CLCN7: variants seen among roughly 807,000 people sequenced by gnomAD.
CLCN7 encodes H(+)/Cl(-) exchange transporter 7.
Under a neutral mutation model 102.1 loss-of-function variants are expected in CLCN7, and 60 were observed. The ratio of observed to expected loss-of-function variants is 0.59; its 90% CI spans 0.48 to 0.73. The LOEUF is 0.73. CLCN7 is among the 30% of genes least tolerant of loss of function. The pLI is 0.00. For missense variants in CLCN7, 962 were observed against 1,125.7 expected (o/e 0.85, Z 2.08); for synonymous variants, 560 against 490.5 (o/e 1.14, Z -1.87).
intron 5 of CLCN7, 97 bp downstream of exon 5, chr16:1,460,719 C>A (rs1019849304): frequency 3.2e-6 from 5 of 1,585,584 alleles, no homozygotes; most frequent in East Asian, 2.2e-5. Flanking sequence ...GCCGCCTCCA[C>A]CTGCACTGGA....
rs756137596 is a variant in CLCN7 at position 1,465,254 on chromosome 16, ACCC to A, written c.213+10_213+12del. The A allele has an allele frequency of 1.2e-6, 2 of 1,611,486 alleles. No homozygotes were observed. The highest frequency in any genetic ancestry group is 2.7e-5 in the African/African-American group (2 of 74,830). ...CTAGCTCTGCGGGAGGACGGGGAACACCCCCAACTCACCGGGTCCAAAAGTTCA... is the reference window on the plus strand; with the variant it reads ...CTAGCTCTGCGGGAGGACGGGGAACACCAACTCACCGGGTCCAAAAGTTCA... On this transcript the variant is annotated intron_variant, in intron 2 of 24. Transcript: ENST00000382745.
chr16:1,452,002 C>A, intron 15 of CLCN7: 1 of 426,154 alleles, frequency 2.3e-6, no homozygotes, highest in Non-Finnish European at 4.5e-6. Context: ...TGGGCTGAGA[C>A]GCTGTCCATC....
chr16:1,457,896 G>A lies in CLCN7; in HGVS notation c.676-140C>T. The A allele has an allele frequency of 2.5e-6, 2 of 816,074 alleles. No individual in the cohort carries two copies. The highest frequency in any genetic ancestry group is 4.1e-6 in the Non-Finnish European group (2 of 486,610). 50.6% of individuals were successfully genotyped at this position (816,074 alleles called of 1,614,324 possible). ...CTCCGGGAGGGGGCCAGCACCCCCAGGCTGGGTCTCCCCATGGCCACAGTG... is the reference window on the plus strand; with the variant it reads ...CTCCGGGAGGGGGCCAGCACCCCCAAGCTGGGTCTCCCCATGGCCACAGTG... On this transcript the variant is annotated intron_variant, in intron 7 of 24. Coordinates refer to ENST00000382745, the MANE Select transcript of CLCN7 (RefSeq NM_001287.6). This position sits in a 1 kb window ranked among gnomAD's most constrained non-coding sequence, Gnocchi z 5.4.
At chr16:1,455,665 C>T in intron 11 of CLCN7, 66 bp downstream of exon 11, 1 of 1,543,144 alleles carries the variant, frequency 6.5e-7, no homozygotes. Flanking sequence ...CAAGGTGGAC[C>T]CCATGGTGGG....
Position 1,457,752 on chromosome 16 carries a change from A to C in CLCN7, c.680T>G (p.Leu227Trp). The change falls in exon 8 of 25, where the codon TTG becomes TGG. Residue 227 changes from leucine to tryptophan, a missense_variant. Coordinates refer to ENST00000382745, the MANE Select transcript of CLCN7 (RefSeq NM_001287.6). This position sits in a 1 kb window ranked among gnomAD's most constrained non-coding sequence, Gnocchi z 5.4. ...KIPHVVRLKT[L>W]VIKVSGVILS... ...GATCACACCGGACACTTTGATCACC[A>C]ACGTCTGAAACACAGGGAGACGCAT... The C allele has an allele frequency of 6.2e-7, 1 of 1,613,874 alleles. No individual in the cohort carries two copies. The highest frequency in any genetic ancestry group is 8.5e-7 in the Non-Finnish European group (1 of 1,179,980).
At chr16:1,449,572 G>A (rs1193831690) in intron 17 of CLCN7, 4 of 591,250 alleles carry the variant, frequency 6.8e-6, no homozygotes, top group East Asian at 2.8e-5. Flanking sequence ...GGATGCAGAG[G>A]GCACAGTCAC....
chr16:1,450,738 A>AG, intron 16 of CLCN7, 72 bp from the exon 17 acceptor site: 1 of 1,216,570 alleles, frequency 8.2e-7, no homozygotes, highest in Non-Finnish European at 1.1e-6. Flanking sequence ...CCCGCTGCCC[A>AG]GTCTCGGGCC....
At chr16:1,458,191 G>A (rs555641871) in intron 7 of CLCN7, among the ~76,000 whole-genome samples, 11 of 152,312 alleles carry the variant, frequency 7.2e-5, no homozygotes, top group South Asian at 2.1e-4. Context: ...CTCTCCCTTC[G>A]GCTGCTCCCC....
intron 16 of CLCN7, among the ~76,000 whole-genome samples, chr16:1,451,050 C>T (rs148295111): frequency 6.6e-6 from 1 of 152,346 alleles, no homozygotes; most frequent in African/African-American, 2.4e-5. Context: ...TTTCCTGGAG[C>T]AGGCAGCACT....
rs2038855138 is a variant in CLCN7, at chr16:1,457,542, A to G, written c.738+152T>C. ...ACACGCGTGACGCGGCCCTTCCTGG[A>G]GACCAGAAGGACCGGTGCTCAGAGA... On this transcript the variant is annotated intron_variant, in intron 8 of 24. Transcript: ENST00000382745. This position sits in a 1 kb window ranked among gnomAD's most constrained non-coding sequence, Gnocchi z 5.4. The G allele has an allele frequency of 1.5e-6, 1 of 686,918 alleles. No homozygotes were observed. Among genetic ancestry groups the G allele is most frequent in the Admixed American group, 2.0e-5 (1 of 49,246 alleles). 42.6% of individuals were successfully genotyped at this position (686,918 alleles called of 1,614,324 possible).
chr16:1,460,389 C>T (rs757005160), intron 6 of CLCN7, 29 bp downstream of exon 6: 104 of 1,525,976 alleles, frequency 6.8e-5, no homozygotes, highest in East Asian at 9.0e-5. Flanking sequence ...TCATGGGGTC[C>T]GCCATAGCTG....
chr16:1,456,334 T>C lies in CLCN7; in HGVS notation c.823-128A>G, dbSNP rs533144240. 6.0e-5 allele frequency: 44 copies of C among 735,918 alleles called. 2 individuals carry two copies. In the South Asian group the frequency reaches 6.4e-4, roughly 11 times the overall value. The allele number at this position is 735,918 out of a possible 1,614,324, so 45.6% of individuals were successfully genotyped here. A position where few individuals can be genotyped will look rare whatever the true frequency, so the allele number is the denominator to read the frequency against. ...TTCAGGACAACCGAGTCAGCAGCTCTGATTCCTGAAGAGCACCGTGCTGCA... is the reference window on the plus strand; with the variant it reads ...TTCAGGACAACCGAGTCAGCAGCTCCGATTCCTGAAGAGCACCGTGCTGCA... On this transcript the variant is annotated intron_variant, in intron 9 of 24. Transcript: ENST00000382745.
chr16:1,474,773 G>GACGC, intron 1 of CLCN7, 61 bp downstream of exon 1: 1 of 1,220,530 alleles, frequency 8.2e-7, no homozygotes, highest in Non-Finnish European at 1.0e-6. Flanking sequence ...GGCTCACGAG[G>GACGC]GCGCGGGCTG....
Position 1,447,667 on chromosome 16 carries a change from G to A in CLCN7, c.2061C>T (p.Leu687=). 3 of 1,558,040 alleles carry A rather than the reference G, an allele frequency of 1.9e-6. No homozygotes were observed. In the South Asian group the frequency reaches 3.5e-5, roughly 18 times the overall value. Residue 687 remains leucine, a synonymous_variant, in exon 22 of 25, where the codon CTC becomes CTT. Coordinates refer to ENST00000382745, the MANE Select transcript of CLCN7 (RefSeq NM_001287.6). ...GCCTGGCACGCACCTTGTGCTTTAG[G>A]AGAACGATGAGCTGGGAGCGCAGGA... ...GLILRSQLIV[L]LKHKVFVERS...
chr16:1,474,458 T>C, intron 1 of CLCN7: 1 of 341,616 alleles, frequency 2.9e-6, no homozygotes, highest in South Asian at 2.3e-5. Flanking sequence ...AGGATGACAA[T>C]TTTTAAAAGT....
At chr16:1,449,222 C>G (rs947749603) in intron 18 of CLCN7, 54 bp downstream of exon 18, 2 of 1,567,436 alleles carry the variant, frequency 1.3e-6, no homozygotes, top group Admixed American at 1.9e-5. Context: ...ACAGCCATGG[C>G]CCCCTCCAGA....
chr16:1,472,895 T>C (rs2039096828), intron 1 of CLCN7, among the ~76,000 whole-genome samples: 1 of 150,284 alleles, frequency 6.7e-6, no homozygotes, highest in Non-Finnish European at 1.5e-5. Flanking sequence ...CCCGAGCCAG[T>C]AGCTGGGACT....
chr16:1,455,577 G>A, intron 11 of CLCN7, 154 bp downstream of exon 11: 1 of 843,028 alleles, frequency 1.2e-6, no homozygotes, highest in South Asian at 1.4e-5. Context: ...GCAAAGGCAG[G>A]ACCGCTGCTT....
chr16:1,462,676 A>AAAAAC (rs1555466081), intron 2 of CLCN7, among the ~76,000 whole-genome samples: 22 of 140,300 alleles, frequency 1.6e-4, no homozygotes, highest in African/African-American at 5.8e-4. Context: ...AAAAAAAAAA[A>AAAAAC]AAAAAAAAAA....
Sources: allele counts gnomAD v4.1 joint callset (sites outside exome capture counted in the v4.1 genomes callset), GRCh38; gene constraint gnomAD v4.1.1; non-coding constraint Gnocchi (gnomAD v3.1); transcripts MANE v1.5; gene names NCBI Gene and HGNC (gene_info 2026-07-23, HGNC 2026-07-21).